XKR9: variants seen among roughly 807,000 people sequenced by gnomAD.
XKR9 encodes XK-related protein 9.
XKR9 carries 32 observed loss-of-function variants against 32.0 expected under a neutral mutation model. The ratio of observed to expected loss-of-function variants is 1.00; its 90% CI spans 0.76 to 1.34. XKR9 has a LOEUF of 1.34. Ranked by LOEUF, XKR9 falls within the 40% of genes most tolerant of loss-of-function variation. The pLI is 0.00. For synonymous variants in XKR9, 168 were observed against 143.4 expected, an observed-to-expected ratio of 1.17 and a Z score of -1.22; for missense variants, 546 against 429.7, an observed-to-expected ratio of 1.27 and a Z score of -2.39.
At chr8:70,967,848 C>A in the XKR9 span, among the ~76,000 whole-genome samples, 1 of 152,018 alleles carries the variant, frequency 6.6e-6, no homozygotes, top group Admixed American at 6.6e-5. Flanking sequence ...TCCAGCCTTT[C>A]TCTCTGGCTG....
the XKR9 span, among the ~76,000 whole-genome samples, chr8:70,884,284 T>G: frequency 4.6e-5 from 7 of 152,154 alleles, no homozygotes; most frequent in African/African-American, 9.6e-5. Context: ...TATTAATCCT[T>G]TATTCAATAT....
At chr8:70,900,781 G>A in the XKR9 span, among the ~76,000 whole-genome samples, 214 of 152,134 alleles carry the variant, frequency 1.4e-3, no homozygotes, top group African/African-American at 4.7e-3. Context: ...ATTTACATTA[G>A]GTATATCTCC....
the XKR9 span, among the ~76,000 whole-genome samples, chr8:71,051,056 A>C: frequency 1.3e-5 from 2 of 152,158 alleles, no homozygotes; most frequent in Non-Finnish European, 2.9e-5. Context: ...AATAAAAAAA[A>C]AAACTAATGA....
intron 3 of XKR9, among the ~76,000 whole-genome samples, chr8:70,688,274 T>C (rs1819377664): frequency 6.6e-6 from 1 of 152,178 alleles, no homozygotes; most frequent in South Asian, 2.1e-4. Context: ...GTCACAGTTT[T>C]TGATGTGACA....
At chr8:70,767,869 A>G (rs1406651266) in intron 2 of XKR9, among the ~76,000 whole-genome samples, 1 of 152,042 alleles carries the variant, frequency 6.6e-6, no homozygotes, top group Non-Finnish European at 1.5e-5. Flanking sequence ...TCTTTTCAAA[A>G]ATCCAGCTCT....
At chr8:70,678,940 G>A (rs551538304) in intron 2 of XKR9, among the ~76,000 whole-genome samples, 1 of 152,266 alleles carries the variant, frequency 6.6e-6, no homozygotes, top group African/African-American at 2.4e-5. Context: ...TAACTGGTCT[G>A]GCTGCCATAG....
chr8:71,050,702 T>C, the XKR9 span, among the ~76,000 whole-genome samples: 1 of 152,142 alleles, frequency 6.6e-6, no homozygotes, highest in Non-Finnish European at 1.5e-5. Flanking sequence ...AGTGGTGCCA[T>C]AGACAACACA....
At chr8:71,035,627 G>A in the XKR9 span, among the ~76,000 whole-genome samples, 24 of 152,256 alleles carry the variant, frequency 1.6e-4, no homozygotes, top group East Asian at 2.3e-3. Flanking sequence ...ATTTGACAGT[G>A]GGGTAGACAC....
At chr8:70,979,624 G>A in the XKR9 span, among the ~76,000 whole-genome samples, 155 of 152,286 alleles carry the variant, frequency 1.0e-3, no homozygotes, top group African/African-American at 3.6e-3. Flanking sequence ...TCCTTCCTCT[G>A]GCAGCTTCGT....
the XKR9 span, among the ~76,000 whole-genome samples, chr8:71,058,249 A>G: frequency 6.6e-6 from 1 of 152,190 alleles, no homozygotes; most frequent in Non-Finnish European, 1.5e-5. Flanking sequence ...ATGTCAGTCT[A>G]TAGAAGCTGA....
chr8:70,799,801 C>G, the XKR9 span, among the ~76,000 whole-genome samples: 2 of 152,152 alleles, frequency 1.3e-5, no homozygotes, highest in Non-Finnish European at 2.9e-5. Context: ...ATCATGTCAT[C>G]TGCAAATAGG....
the XKR9 span, among the ~76,000 whole-genome samples, chr8:70,963,556 A>G: frequency 6.6e-6 from 1 of 152,156 alleles, no homozygotes; most frequent in Non-Finnish European, 1.5e-5. Flanking sequence ...GTCTTCCACA[A>G]TGGTTGAACT....
intron 4 of XKR9, among the ~76,000 whole-genome samples, chr8:70,712,976 A>G (rs1305067635): frequency 6.6e-6 from 1 of 152,218 alleles, no homozygotes; most frequent in Non-Finnish European, 1.5e-5. Context: ...AGGAAAAAAA[A>G]TCAGTGAGAC....
At chr8:70,861,710 T>C in the XKR9 span, among the ~76,000 whole-genome samples, 1 of 152,104 alleles carries the variant, frequency 6.6e-6, no homozygotes, top group Non-Finnish European at 1.5e-5. Context: ...AGTAAGTTAA[T>C]ATATGTAAAA....
At chr8:71,049,370 A>T in the XKR9 span, among the ~76,000 whole-genome samples, 11 of 152,200 alleles carry the variant, frequency 7.2e-5, no homozygotes, top group Non-Finnish European at 1.3e-4. Flanking sequence ...ATATGCAACA[A>T]GTAGAAATCA....
the XKR9 span, among the ~76,000 whole-genome samples, chr8:71,010,319 T>C: frequency 0.43 from 65,103 of 152,016 alleles, 15,081 homozygotes; most frequent in Non-Finnish European, 0.53. Flanking sequence ...TAACATGGAC[T>C]CTTTTGAAGA....
chr8:70,812,394 C>G, the XKR9 span, among the ~76,000 whole-genome samples: 1 of 152,140 alleles, frequency 6.6e-6, no homozygotes, highest in African/African-American at 2.4e-5. Flanking sequence ...GACAGGGATG[C>G]CCTCTCTCAC....
the XKR9 span, among the ~76,000 whole-genome samples, chr8:70,856,685 A>G: frequency 6.6e-6 from 1 of 152,198 alleles, no homozygotes; most frequent in African/African-American, 2.4e-5. Flanking sequence ...TTTCAGCACC[A>G]CACCACAACT....
chr8:70,839,743 T>C, the XKR9 span, among the ~76,000 whole-genome samples: 1 of 152,134 alleles, frequency 6.6e-6, no homozygotes, highest in Non-Finnish European at 1.5e-5. Flanking sequence ...ACTTGCCAAA[T>C]AATAGCATAT....
Sources: allele counts gnomAD v4.1 joint callset (sites outside exome capture counted in the v4.1 genomes callset), GRCh38; gene constraint gnomAD v4.1.1; transcripts MANE v1.5; gene names NCBI Gene and HGNC (gene_info 2026-07-23, HGNC 2026-07-21).